The following GRHL1 variants were observed in gnomAD, a reference collection of about 807,000 sequenced individuals.
The protein encoded by GRHL1 is grainyhead like transcription factor 1.
In GRHL1, 38 loss-of-function variants were observed where a neutral mutation model predicts 75.7. The observed-to-expected ratio is 0.50, with a 90% CI of 0.39 to 0.66. The LOEUF is 0.66. Among genes scored for constraint, GRHL1 ranks in the 30% least tolerant of loss-of-function variants. GRHL1 has a pLI of 0.00. For synonymous variants in GRHL1, 266 were observed against 279.4 expected, an observed-to-expected ratio of 0.95 and a Z score of 0.48; for missense variants, 589 against 767.5, an observed-to-expected ratio of 0.77 and a Z score of 2.75.
At chr2:9,970,336 C>T (rs774340538) in intron 8 of GRHL1, among the ~76,000 whole-genome samples, 2 of 151,712 alleles carry the variant, frequency 1.3e-5, no homozygotes, top group East Asian at 1.9e-4. Context: ...GAGTAAGTGG[C>T]GTCAGAGAAG....
At position 9,954,896 on chromosome 2, in the gene GRHL1, T is replaced by C; in HGVS notation, c.21-19T>C. ...GTAGAAAAGTGTGTGTTTTTGTTTT[T>C]TTTTTAATTTCTCTGAAGCAAACGG... On this transcript the variant is annotated intron_variant, in intron 1 of 15. Coordinates refer to ENST00000324907, the MANE Select transcript of GRHL1 (RefSeq NM_198182.3). 6.2e-7 allele frequency: 1 copy of C among 1,606,762 alleles called. No individual in the cohort carries two copies. The highest frequency in any genetic ancestry group is 8.5e-7 in the Non-Finnish European group (1 of 1,173,486).
chr2:9,958,877 G>T (rs757054517), intron 3 of GRHL1, 21 bp downstream of exon 3: 1 of 1,612,216 alleles, frequency 6.2e-7, no homozygotes, highest in South Asian at 1.1e-5. Context: ...GTGCCTAACA[G>T]CATAAAGAGT....
rs994719222 is a variant in GRHL1, at chr2:9,969,000, G to A, written c.1110+3619G>A. ...CACTTTAAAAATGAACTTTGGGAAC[G>A]CAATTTATAAATTGGGGCTATTTGT... On this transcript the variant is annotated intron_variant, in intron 8 of 15. Coordinates refer to ENST00000324907, the MANE Select transcript of GRHL1 (RefSeq NM_198182.3). This position sits in a 1 kb window ranked among gnomAD's most constrained non-coding sequence, Gnocchi z 4.7. 3.9e-5 allele frequency among the ~76,000 whole-genome samples: 6 copies of A among 152,170 alleles called. No individual in the cohort carries two copies. The highest frequency in any genetic ancestry group is 1.2e-4 in the African/African-American group (5 of 41,440).
chr2:9,958,790 CAA>C lies in GRHL1; in HGVS notation c.213_214del (p.Arg74LysfsTer13), dbSNP rs1667148021. The C allele has an allele frequency of 1.2e-6, 2 of 1,612,742 alleles. No individual in the cohort carries two copies. The highest frequency in any genetic ancestry group is 1.7e-6 in the Non-Finnish European group (2 of 1,178,890). Reference sequence around the variant, plus strand: ...TTTCATGTGTGCTAATATCAGGTTCCAAGAGAGAGAAGGTCATCAACAGCAAA... The same window carrying C: ...TTTCATGTGTGCTAATATCAGGTTCCGAGAGAGAAGGTCATCAACAGCAAA... On this transcript the variant is annotated frameshift_variant, in exon 3 of 16. Coordinates refer to ENST00000324907, the MANE Select transcript of GRHL1 (RefSeq NM_198182.3). LOFTEE classifies it high-confidence loss of function.
At chr2:9,961,556 G>C (rs1315038218) in intron 4 of GRHL1, 120 bp downstream of exon 4, 6 of 952,860 alleles carry the variant, frequency 6.3e-6, no homozygotes, top group Admixed American at 2.9e-5. Flanking sequence ...AGGAATAAAA[G>C]ATTTTTTTTT....
rs369881446 is a variant in GRHL1, at chr2:9,951,884, G to T, written c.20+31G>T. ...TGAGGCGCAGGAGTCCGGCCGCCGC[G>T]GGGGGGCCGCGCTGAGGGGCCGCAC... On this transcript the variant is annotated intron_variant, in intron 1 of 15. Coordinates refer to ENST00000324907, the MANE Select transcript of GRHL1 (RefSeq NM_198182.3). This position sits in a 1 kb window ranked among gnomAD's most constrained non-coding sequence, Gnocchi z 4.2. 6 of 1,412,502 alleles carry T rather than the reference G, an allele frequency of 4.2e-6. No homozygotes were observed. In the African/African-American group the frequency reaches 4.5e-5, roughly 11 times the overall value. The allele number at this position is 1,412,502 out of a possible 1,614,324, so 87.5% of individuals were successfully genotyped here.
chr2:9,964,182 A>G, intron 6 of GRHL1, 53 bp from the exon 7 acceptor site: 3 of 1,359,300 alleles, frequency 2.2e-6, no homozygotes, highest in Non-Finnish European at 3.1e-6. Context: ...TACGTTTTCC[A>G]AAACATACTC....
chr2:9,964,630 C>T (rs750104364), intron 7 of GRHL1: 4 of 306,094 alleles, frequency 1.3e-5, no homozygotes, highest in Non-Finnish European at 2.4e-5. Flanking sequence ...GTTCAGTCTG[C>T]AATTGCTTTA....
rs1326014055 is a variant in GRHL1 at position 9,966,168 on chromosome 2, CG to C, written c.1110+790del. On this transcript the variant is annotated intron_variant, in intron 8 of 15. Transcript: ENST00000324907. Reference sequence around the variant, plus strand: ...ATCCCAGCACTTTGGGAGGCTGCGGCGGGTGGGTCACTTGAGGCCAGGAGTT... The same window carrying C: ...ATCCCAGCACTTTGGGAGGCTGCGGCGGTGGGTCACTTGAGGCCAGGAGTT... 6 of 152,314 alleles carry C rather than the reference CG, an allele frequency of 3.9e-5. No homozygotes were observed. The East Asian group carries it at 1.2e-3, about 29-fold the overall frequency. 9.4% of individuals were successfully genotyped at this position (152,314 alleles called of 1,614,324 possible).
In GRHL1 at chr2:9,965,019, T is replaced by C. The variant is rs527616296; in HGVS notation, c.1016-268T>C. On this transcript the variant is annotated intron_variant, in intron 7 of 15. Coordinates refer to ENST00000324907, the MANE Select transcript of GRHL1 (RefSeq NM_198182.3). ...GGTTCTACAGAGTAGTTTTGTGACC[T>C]TGGGACTGTTATTTAAACTTTTTAG... 1.4e-5 allele frequency: 5 copies of C among 366,644 alleles called. No individual in the cohort carries two copies. The East Asian group carries it at 1.8e-4, about 13-fold the overall frequency. The allele number at this position is 366,644 out of a possible 1,614,324, so 22.7% of individuals were successfully genotyped here.
chr2:9,960,992 T>C (rs1667243741), intron 3 of GRHL1, 54 bp from the exon 4 acceptor site: 1 of 1,416,236 alleles, frequency 7.1e-7, no homozygotes, highest in Non-Finnish European at 9.5e-7. Context: ...AAAATAAAAA[T>C]TGTCAAAGAA....
In GRHL1 at chr2:9,975,366, G is replaced by A. The variant is rs1375803892; in HGVS notation, c.1110+9985G>A. 3.3e-5 allele frequency among the ~76,000 whole-genome samples: 5 copies of A among 152,226 alleles called. No individual in the cohort carries two copies. In the South Asian group the frequency reaches 1.0e-3, roughly 31 times the overall value. On this transcript the variant is annotated intron_variant, in intron 8 of 15. Coordinates refer to ENST00000324907, the MANE Select transcript of GRHL1 (RefSeq NM_198182.3). Reference sequence around the variant, plus strand: ...ACAATAGAAAACCAGGTCATAGCCTGTGAGGTGGGTTTATCTCTACCCTGG... The same window carrying A: ...ACAATAGAAAACCAGGTCATAGCCTATGAGGTGGGTTTATCTCTACCCTGG...
intron 15 of GRHL1, among the ~76,000 whole-genome samples, chr2:9,999,909 G>A (rs1669198580): frequency 6.6e-6 from 1 of 152,102 alleles, no homozygotes; most frequent in African/African-American, 2.4e-5. Context: ...TTTAAACTTT[G>A]AGGCTCACTT....
intron 2 of GRHL1, among the ~76,000 whole-genome samples, chr2:9,958,183 T>TTC (rs1377307136): frequency 6.6e-6 from 1 of 150,816 alleles, no homozygotes; most frequent in African/African-American, 2.4e-5. Flanking sequence ...TCTTTTTTTT[T>TTC]TTTTTTTTGA....
intron 1 of GRHL1, chr2:9,952,992 T>C (rs1666856739): frequency 2.2e-6 from 1 of 456,568 alleles, no homozygotes; most frequent in Non-Finnish European, 4.4e-6. Context: ...CTGAAAGTGA[T>C]GATGAGCCTT....
At chr2:9,957,246 C>T (rs558363283) in intron 2 of GRHL1, among the ~76,000 whole-genome samples, 2 of 152,144 alleles carry the variant, frequency 1.3e-5, no homozygotes, top group African/African-American at 2.4e-5. Flanking sequence ...CTGCCTTAGC[C>T]TCCCAAAGTA....
At chr2:9,986,323 C>CTTGTGTTTG (rs1330248040) in intron 9 of GRHL1, 41 bp downstream of exon 9, 1 of 1,511,494 alleles carries the variant, frequency 6.6e-7, no homozygotes, top group Non-Finnish European at 9.0e-7. Flanking sequence ...GTTTGAGACA[C>CTTGTGTTTG]ACTCATGGAA....
intron 8 of GRHL1, among the ~76,000 whole-genome samples, chr2:9,980,232 G>A (rs1462107567): frequency 6.6e-6 from 1 of 151,672 alleles, no homozygotes; most frequent in African/African-American, 2.4e-5. Flanking sequence ...AGCCAGGTGT[G>A]AACAGCGCTT....
At chr2:9,973,863 C>G (rs1044512044) in intron 8 of GRHL1, among the ~76,000 whole-genome samples, 1 of 152,224 alleles carries the variant, frequency 6.6e-6, no homozygotes, top group African/African-American at 2.4e-5. Context: ...TCCACGACCG[C>G]TGCTACTGTC....
Sources: allele counts gnomAD v4.1 joint callset (sites outside exome capture counted in the v4.1 genomes callset), GRCh38; gene constraint gnomAD v4.1.1; non-coding constraint Gnocchi (gnomAD v3.1); transcripts MANE v1.5; gene names NCBI Gene and HGNC (gene_info 2026-07-23, HGNC 2026-07-21).